Variants in ENOSF1 observed in about 807,000 individuals in gnomAD.
ENOSF1 encodes the protein enolase superfamily member 1, also known as mitochondrial enolase superfamily member 1.
A neutral mutation model predicts 68.2 loss-of-function variants in ENOSF1; 73 were observed. The ratio of observed to expected loss-of-function variants is 1.07; its 90% CI spans 0.89 to 1.30. The LOEUF is 1.30. ENOSF1 is among the 50% of genes most tolerant of loss of function. ENOSF1 has a pLI of 0.00. For synonymous variants in ENOSF1, 223 were observed against 210.4 expected (o/e 1.06, Z -0.52); for missense variants, 589 against 554.5 (o/e 1.06, Z -0.62).
At chr18:678,985 C>T (rs559703698) in intron 11 of ENOSF1, among the ~76,000 whole-genome samples, 1 of 152,284 alleles carries the variant, frequency 6.6e-6, no homozygotes, top group South Asian at 2.1e-4. Flanking sequence ...CTGCAGATCT[C>T]CTTCTGCGGT....
At chr18:699,478 A>AAATAGTAATAATAATAAT (rs1555667879) in intron 2 of ENOSF1, among the ~76,000 whole-genome samples, 2 of 148,998 alleles carry the variant, frequency 1.3e-5, no homozygotes, top group African/African-American at 4.9e-5. Flanking sequence ...GCCCTGTCTC[A>AAATAGTAATAATAATAAT]AATAATAATA....
chr18:673,699 T>C lies in ENOSF1; in HGVS notation c.*606A>G, dbSNP rs1428375930. ...TCTTATCCTCAAAATATAATGACCA[T>C]TTAGGATAGAGTTTTTTTTTTTTTT... On this transcript the variant is annotated 3_prime_UTR_variant, in exon 16 of 16. Coordinates refer to ENST00000647584, the MANE Select transcript of ENOSF1 (RefSeq NM_017512.7). 1 of 154,908 alleles carries C rather than the reference T, an allele frequency of 6.5e-6. No individual in the cohort carries two copies. The highest frequency in any genetic ancestry group is 6.8e-5 in the Admixed American group (1 of 14,626). The allele number at this position is 154,908 out of a possible 1,614,324, so 9.6% of individuals were successfully genotyped here.
At chr18:675,972 AC>A (rs2075471527) in intron 14 of ENOSF1, among the ~76,000 whole-genome samples, 1 of 152,146 alleles carries the variant, frequency 6.6e-6, no homozygotes, top group African/African-American at 2.4e-5. Context: ...GGTGGGACAC[AC>A]CCACCTCCAT....
At chr18:693,838 A>G (rs2145117903) in intron 5 of ENOSF1, 44 bp downstream of exon 5, 4 of 1,612,340 alleles carry the variant, frequency 2.5e-6, no homozygotes, top group Non-Finnish European at 3.4e-6. Flanking sequence ...AATGATATCC[A>G]TTTCATTTAC....
In ENOSF1 at chr18:690,529, A is replaced by T. The variant is rs769823052; in HGVS notation, c.618+20T>A. 2 of 1,614,170 alleles carry T rather than the reference A, an allele frequency of 1.2e-6. No individual in the cohort carries two copies. The highest frequency in any genetic ancestry group is 1.7e-6 in the Non-Finnish European group (2 of 1,180,020). On this transcript the variant is annotated intron_variant, in intron 8 of 15. Transcript: ENST00000647584. Reference sequence around the variant, plus strand: ...TTTCTCCCCATTCAGCTGTCTACAAAGCCAGGTTAAAATGCCCACCTGCTT... The same window carrying T: ...TTTCTCCCCATTCAGCTGTCTACAATGCCAGGTTAAAATGCCCACCTGCTT...
chr18:674,307 A>C lies in ENOSF1; in HGVS notation c.1330T>G (p.Ter444GluextTer21), dbSNP rs1446853147. ...AAAAAGTTGTTGGGGCTGAGCACTT[A>C]ATTTTCTTGAGCAGGAAGGAGTTTC... is the stretch of plus-strand genomic sequence containing the variant. ...WKKLLPAQEN[*>E] is the part of the protein sequence containing the mutation. The change falls in exon 16 of 16, where the codon TAA becomes GAA. Residue 444 changes from the stop codon to glutamate (E), a stop_lost. Transcript: ENST00000647584. The C allele has an allele frequency of 8.1e-6, 13 of 1,605,284 alleles. No individual in the cohort carries two copies. The highest frequency in any genetic ancestry group is 1.7e-5 in the Admixed American group (1 of 58,706).
chr18:693,551 T>C (rs2077417237), intron 5 of ENOSF1: 1 of 985,258 alleles, frequency 1.0e-6, no homozygotes, highest in Admixed American at 6.1e-5. Context: ...ATCTTTAATT[T>C]TGTGAGGTTC....
chr18:687,691 G>A (rs576648), intron 9 of ENOSF1: 1 of 152,398 alleles, frequency 6.6e-6, no homozygotes, highest in Non-Finnish European at 1.5e-5. Flanking sequence ...GAAGGTCTTA[G>A]GATGGCCAGA....
At position 677,463 on chromosome 18, in the gene ENOSF1, T is replaced by C. The variant is rs763996167; in HGVS notation, c.1049-19A>G. 6.2e-7 allele frequency: 1 copy of C among 1,606,882 alleles called. No homozygotes were observed. Among genetic ancestry groups the C allele is most frequent in the Non-Finnish European group, 8.5e-7 (1 of 1,175,828 alleles). Reference sequence around the variant, plus strand: ...ACAGGAACTAAAAGGAAATCGTTTCTATTTAATACCAAGAGTAGGGCAGGG... The same window carrying C: ...ACAGGAACTAAAAGGAAATCGTTTCCATTTAATACCAAGAGTAGGGCAGGG... On this transcript the variant is annotated intron_variant, in intron 13 of 15. Coordinates refer to ENST00000647584, the MANE Select transcript of ENOSF1 (RefSeq NM_017512.7).
intron 1 of ENOSF1, chr18:712,294 C>T: frequency 3.3e-6 from 5 of 1,521,950 alleles, no homozygotes; most frequent in Admixed American, 4.1e-5. Context: ...AGTCGGGAAG[C>T]TGCCCGGGGC....
At chr18:682,218 T>C (rs187576845) in intron 11 of ENOSF1, among the ~76,000 whole-genome samples, 14 of 152,278 alleles carry the variant, frequency 9.2e-5, no homozygotes, top group Non-Finnish European at 1.6e-4. Context: ...GTGAACATCA[T>C]AGAGTGTACG....
At position 683,260 on chromosome 18, in the gene ENOSF1, C is replaced by T. The variant is rs376976768; in HGVS notation, c.862G>A (p.Ala288Thr). The T allele has an allele frequency of 3.5e-5, 56 of 1,613,900 alleles. No homozygotes were observed. Among genetic ancestry groups the T allele is most frequent in the Non-Finnish European group, 4.4e-5 (52 of 1,179,992 alleles). ...PTSPDDILGHATISKALVPLG... is the reference protein window; with the variant it reads ...PTSPDDILGHTTISKALVPLG... ...CGTTTTCCTACCTTGGAAATGGTGG[C>T]GTGCCCCAGAATGTCATCAGGGGAG... The change falls in exon 11 of 16, where the codon GCC becomes ACC. Residue 288 changes from alanine to threonine, a missense_variant. Coordinates refer to ENST00000647584, the MANE Select transcript of ENOSF1 (RefSeq NM_017512.7).
At chr18:702,905 A>G (rs113884512) in intron 2 of ENOSF1, among the ~76,000 whole-genome samples, 6 of 152,344 alleles carry the variant, frequency 3.9e-5, no homozygotes, top group African/African-American at 1.2e-4. Flanking sequence ...TGTCTCACAC[A>G]CAAGCACTCT....
rs553062782 is a variant in ENOSF1 at position 675,816 on chromosome 18, G to A, written c.1149-414C>T. 6.9e-5 allele frequency among the ~76,000 whole-genome samples: 8 copies of A among 116,314 alleles called. No individual in the cohort carries two copies. The East Asian group carries it at 2.3e-3, about 34-fold the overall frequency. The allele number at this position is 116,314 out of a possible 152,430, so 76.3% of individuals were successfully genotyped here. A position where few individuals can be genotyped will look rare whatever the true frequency, so the allele number is the denominator to read the frequency against. On this transcript the variant is annotated intron_variant, in intron 14 of 15. Transcript: ENST00000647584. ...GCTGCAGCAGCTGCCAGGGGCTTGG[G>A]GTTTTTTTGGCAGGTAGGGTTGGGA... is the stretch of plus-strand genomic sequence containing the variant.
Position 712,478 on chromosome 18 carries a change from G to C in ENOSF1, c.84+26C>G, listed in dbSNP as rs2079704045. 2.6e-6 allele frequency: 4 copies of C among 1,535,514 alleles called. No individual in the cohort carries two copies. The South Asian group carries it at 3.6e-5, about 14-fold the overall frequency. ...GGCGTCCGCGCTTACCATGGCGTCC[G>C]CGCTTACCATGGCGTCCGCGCTTAC... On this transcript the variant is annotated intron_variant, in intron 1 of 15. Coordinates refer to ENST00000647584, the MANE Select transcript of ENOSF1 (RefSeq NM_017512.7).
intron 15 of ENOSF1, 46 bp downstream of exon 15, chr18:675,275 T>C: frequency 1.1e-5 from 16 of 1,476,064 alleles, no homozygotes; most frequent in Non-Finnish European, 1.5e-5. Context: ...GGCGTGGCAG[T>C]GGCTGGCAGC....
intron 8 of ENOSF1, among the ~76,000 whole-genome samples, chr18:689,913 C>G (rs768697822): frequency 6.6e-6 from 1 of 150,804 alleles, no homozygotes; most frequent in African/African-American, 2.5e-5. Context: ...GGGCTGAAGG[C>G]TGAATTGATG....
At chr18:706,254 G>GC (rs937286711) in intron 2 of ENOSF1, among the ~76,000 whole-genome samples, 9 of 152,112 alleles carry the variant, frequency 5.9e-5, no homozygotes, top group Non-Finnish European at 1.2e-4. Context: ...AGAGATGATT[G>GC]CAAGGAGAGA....
chr18:711,710 G>C (rs1289972069), intron 1 of ENOSF1, among the ~76,000 whole-genome samples: 1 of 152,152 alleles, frequency 6.6e-6, no homozygotes, highest in Admixed American at 6.5e-5. Context: ...CAATATTTAG[G>C]TAGGAGTCAG....
Sources: allele counts gnomAD v4.1 joint callset (sites outside exome capture counted in the v4.1 genomes callset), GRCh38; gene constraint gnomAD v4.1.1; transcripts MANE v1.5; gene names NCBI Gene and HGNC (gene_info 2026-07-23, HGNC 2026-07-21).